Variants in PPARGC1B observed in about 807,000 individuals in gnomAD.
PPARGC1B encodes PPARG coactivator 1 beta.
Under a neutral mutation model 101.6 loss-of-function variants are expected in PPARGC1B, and 34 were observed. That is an observed-to-expected ratio of 0.33 (90% CI 0.25 to 0.45). The LOEUF (loss-of-function observed/expected upper bound fraction) is 0.45, where lower values mean the gene tolerates loss of function less well. PPARGC1B is among the 20% of genes least tolerant of loss of function. PPARGC1B has a pLI of 1.00. For synonymous variants in PPARGC1B, 548 were observed against 539.3 expected (o/e 1.02, Z -0.22); for missense variants, 1,234 against 1,317.6 (o/e 0.94, Z 0.98).
chr5:149,844,470 T>C (rs533386800), intron 10 of PPARGC1B, among the ~76,000 whole-genome samples: 3 of 152,294 alleles, frequency 2.0e-5, no homozygotes, highest in African/African-American at 7.2e-5. Flanking sequence ...AAACCCCGTC[T>C]CTACTAAAAA....
intron 1 of PPARGC1B, among the ~76,000 whole-genome samples, chr5:149,805,967 G>A (rs1383882747): frequency 1.3e-5 from 2 of 152,350 alleles, no homozygotes; most frequent in South Asian, 2.1e-4. Context: ...CAGCTCCCAC[G>A]CTGTGCAGCA....
At chr5:149,838,881 A>C (rs1025687968) in intron 8 of PPARGC1B, among the ~76,000 whole-genome samples, 2 of 152,238 alleles carry the variant, frequency 1.3e-5, no homozygotes, top group African/African-American at 4.8e-5. Context: ...AACAGAAAGC[A>C]CGTTAAGCTG....
intron 1 of PPARGC1B, among the ~76,000 whole-genome samples, chr5:149,803,573 G>C (rs1244905760): frequency 6.6e-6 from 1 of 152,186 alleles, no homozygotes; most frequent in African/African-American, 2.4e-5. Flanking sequence ...CATTGAGAGA[G>C]TTCCTCGCCT....
intron 1 of PPARGC1B, among the ~76,000 whole-genome samples, chr5:149,764,140 G>A (rs1196398042): frequency 6.6e-6 from 1 of 151,110 alleles, no homozygotes; most frequent in African/African-American, 2.4e-5. Context: ...ACTTCTATTT[G>A]AGTCCTTCTG....
chr5:149,833,656 A>T lies in PPARGC1B; in HGVS notation c.1583A>T (p.Glu528Val), dbSNP rs1264605705. Residue 528 changes from glutamate (E) to valine (V), a missense_variant, in exon 5 of 12, where the codon GAG (glutamate) becomes GTG (valine). Transcript: ENST00000309241. This position sits in a 1 kb window ranked among gnomAD's most constrained non-coding sequence, Gnocchi z 4.1. ...CGGGAGCTGGGCAGCCCCACGGACG[A>T]GGACAGTGGCCAAGACCAGCAGCTC... ...VERELGSPTD[E>V]DSGQDQQLLR... 6.2e-7 allele frequency: 1 copy of T among 1,610,170 alleles called. No homozygotes were observed. Among genetic ancestry groups the T allele is most frequent in the African/African-American group, 1.3e-5 (1 of 74,878 alleles).
At chr5:149,816,223 G>A (rs538658263) in intron 1 of PPARGC1B, among the ~76,000 whole-genome samples, 18 of 152,342 alleles carry the variant, frequency 1.2e-4, no homozygotes, top group African/African-American at 4.3e-4. Flanking sequence ...GCGAAGCTGA[G>A]GTTTCTTTGT....
At chr5:149,786,041 C>T (rs908830625) in intron 1 of PPARGC1B, among the ~76,000 whole-genome samples, 3 of 152,148 alleles carry the variant, frequency 2.0e-5, no homozygotes, top group African/African-American at 7.2e-5. Flanking sequence ...GCCTCTGCCC[C>T]CATCCCCAGT....
At chr5:149,819,794 T>C (rs927155743) in intron 1 of PPARGC1B, among the ~76,000 whole-genome samples, 2 of 152,258 alleles carry the variant, frequency 1.3e-5, no homozygotes, top group South Asian at 2.1e-4. Flanking sequence ...TGAGCCACCA[T>C]GCCCGGCCCG....
chr5:149,796,625 T>C (rs1402716532), intron 1 of PPARGC1B, among the ~76,000 whole-genome samples: 1 of 152,070 alleles, frequency 6.6e-6, no homozygotes, highest in Non-Finnish European at 1.5e-5. Flanking sequence ...AAGAGATGAT[T>C]GTATGCACCA....
At chr5:149,800,471 T>C (rs1472816892) in intron 1 of PPARGC1B, among the ~76,000 whole-genome samples, 1 of 152,180 alleles carries the variant, frequency 6.6e-6, no homozygotes, top group Non-Finnish European at 1.5e-5. Flanking sequence ...GGTCTTTGGA[T>C]TTGGAAGATC....
chr5:149,792,040 G>A (rs1757040595), intron 1 of PPARGC1B, among the ~76,000 whole-genome samples: 1 of 152,124 alleles, frequency 6.6e-6, no homozygotes, highest in East Asian at 1.9e-4. Context: ...TGTCCCCCAG[G>A]CAAGGCTTGA....
At chr5:149,768,814 C>A (rs562330204) in intron 1 of PPARGC1B, among the ~76,000 whole-genome samples, 33 of 152,202 alleles carry the variant, frequency 2.2e-4, no homozygotes, top group African/African-American at 7.7e-4. Context: ...CCATGCCTGG[C>A]ATAATTTTTG....
intron 9 of PPARGC1B, 58 bp from the exon 10 acceptor site, chr5:149,842,198 A>C (rs1194883652): frequency 4.7e-5 from 75 of 1,596,146 alleles, no homozygotes; most frequent in Non-Finnish European, 6.0e-5. Flanking sequence ...CCACTCCCAG[A>C]GGGGCCCCAG....
At chr5:149,793,609 C>A (rs914827460) in intron 1 of PPARGC1B, among the ~76,000 whole-genome samples, 97 of 152,282 alleles carry the variant, frequency 6.4e-4, no homozygotes, top group African/African-American at 2.2e-3. Flanking sequence ...GTACCCCAAA[C>A]CATTCTCCTT....
chr5:149,791,414 T>G (rs757038101), intron 1 of PPARGC1B, among the ~76,000 whole-genome samples: 18 of 152,032 alleles, frequency 1.2e-4, no homozygotes, highest in Non-Finnish European at 2.4e-4. Context: ...GACTGAGTGC[T>G]CATTGGATGA....
intron 1 of PPARGC1B, among the ~76,000 whole-genome samples, chr5:149,775,905 T>C (rs143301370): frequency 1.3e-5 from 2 of 152,310 alleles, no homozygotes; most frequent in East Asian, 3.9e-4. Flanking sequence ...GTAAATCAGA[T>C]TGGATAGAAA....
In PPARGC1B at chr5:149,832,618, G is replaced by T. The variant is rs1758835805; in HGVS notation, c.583-38G>T. The T allele has an allele frequency of 6.8e-7, 1 of 1,473,874 alleles. No individual in the cohort carries two copies. Among genetic ancestry groups the T allele is most frequent in the African/African-American group, 1.4e-5 (1 of 70,986 alleles). 91.3% of individuals were successfully genotyped at this position (1,473,874 alleles called of 1,614,324 possible). On this transcript the variant is annotated intron_variant, in intron 4 of 11. Coordinates refer to ENST00000309241, the MANE Select transcript of PPARGC1B (RefSeq NM_133263.4). This position sits in a 1 kb window ranked among gnomAD's most constrained non-coding sequence, Gnocchi z 4.9. ...GATGAGACACATGGGAGGAGTGTTT[G>T]GGCCTCCTTCCTCACTCTGGCCTCT...
At chr5:149,745,350 G>C (rs955587601) in intron 1 of PPARGC1B, among the ~76,000 whole-genome samples, 8 of 152,180 alleles carry the variant, frequency 5.3e-5, no homozygotes, top group African/African-American at 1.9e-4. Context: ...GTGCACATCA[G>C]AATCAACTCT....
chr5:149,811,463 C>T (rs1012866057), intron 1 of PPARGC1B, among the ~76,000 whole-genome samples: 16 of 152,164 alleles, frequency 1.1e-4, no homozygotes, highest in East Asian at 1.9e-4. Context: ...TTTCTGTTTA[C>T]GGACCAGTTA....
Sources: allele counts gnomAD v4.1 joint callset (sites outside exome capture counted in the v4.1 genomes callset), GRCh38; gene constraint gnomAD v4.1.1; non-coding constraint Gnocchi (gnomAD v3.1); transcripts MANE v1.5; gene names NCBI Gene and HGNC (gene_info 2026-07-23, HGNC 2026-07-21).